The following PPM1H variants were observed in gnomAD, a reference collection of about 807,000 sequenced individuals.
PPM1H encodes the protein protein phosphatase 1H.
A neutral mutation model predicts 54.9 loss-of-function variants in PPM1H; 27 were observed. That is an observed-to-expected ratio of 0.49 (90% CI 0.36 to 0.68). PPM1H has a LOEUF of 0.68. Ranked by LOEUF, PPM1H falls within the 30% of genes least tolerant of loss-of-function variation. The pLI is 0.00. For missense variants in PPM1H, 596 were observed against 667.8 expected (o/e 0.89, Z 1.19); for synonymous variants, 305 against 270.8 (o/e 1.13, Z -1.24).
chr12:62,902,756 A>C (rs1038802413), intron 1 of PPM1H, among the ~76,000 whole-genome samples: 5 of 152,216 alleles, frequency 3.3e-5, no homozygotes, highest in African/African-American at 1.2e-4. Flanking sequence ...GCATATACTG[A>C]AGGACTCAAT....
chr12:62,838,722 C>T (rs2120881119), intron 1 of PPM1H, among the ~76,000 whole-genome samples: 1 of 104,172 alleles, frequency 9.6e-6, no homozygotes, highest in South Asian at 2.9e-4. Context: ...GAGATCGAGA[C>T]CATCCTGGCT....
chr12:62,666,989 G>T (rs539579488), intron 9 of PPM1H, among the ~76,000 whole-genome samples, 189 bp downstream of exon 9: 14 of 152,338 alleles, frequency 9.2e-5, no homozygotes, highest in African/African-American at 3.4e-4. Context: ...TGGGATTATA[G>T]GCATGAGACG....
intron 6 of PPM1H, among the ~76,000 whole-genome samples, chr12:62,716,393 C>G (rs533381348): frequency 6.6e-6 from 1 of 152,306 alleles, no homozygotes; most frequent in African/African-American, 2.4e-5. Context: ...AGGTAAAGCT[C>G]TCATCATAGT....
intron 6 of PPM1H, among the ~76,000 whole-genome samples, chr12:62,712,586 G>T (rs2076213517): frequency 6.6e-6 from 1 of 152,206 alleles, no homozygotes; most frequent in Non-Finnish European, 1.5e-5. Flanking sequence ...AATTTCCGAA[G>T]ATTGGGTTAA....
intron 9 of PPM1H, among the ~76,000 whole-genome samples, chr12:62,651,857 T>G (rs1403831030): frequency 6.6e-6 from 1 of 152,228 alleles, no homozygotes; most frequent in Non-Finnish European, 1.5e-5. Flanking sequence ...GCACAAATAC[T>G]GCTGATTATT....
chr12:62,820,040 T>A (rs986580377), intron 2 of PPM1H, among the ~76,000 whole-genome samples: 1 of 152,194 alleles, frequency 6.6e-6, no homozygotes. Flanking sequence ...CCATGGCAGA[T>A]TGTACCTGGA....
At chr12:62,667,381 TC>T in intron 8 of PPM1H, 52 bp from the exon 9 acceptor site, 1 of 1,424,752 alleles carries the variant, frequency 7.0e-7, no homozygotes, top group Non-Finnish European at 9.4e-7. Context: ...CATATTATTC[TC>T]CCTAACAAAC....
chr12:62,817,416 A>C (rs932036196), intron 2 of PPM1H, among the ~76,000 whole-genome samples: 3 of 151,672 alleles, frequency 2.0e-5, no homozygotes, highest in Admixed American at 2.0e-4. Flanking sequence ...GAGCCAAGAT[A>C]GCGCCACTGC....
intron 2 of PPM1H, among the ~76,000 whole-genome samples, chr12:62,829,894 G>A (rs1868331628): frequency 6.6e-6 from 1 of 152,234 alleles, no homozygotes; most frequent in African/African-American, 2.4e-5. Context: ...CCCAGGGGCA[G>A]GGGGAAAATA....
intron 1 of PPM1H, among the ~76,000 whole-genome samples, chr12:62,862,872 A>G (rs1163078751): frequency 6.6e-6 from 1 of 152,244 alleles, no homozygotes; most frequent in Non-Finnish European, 1.5e-5. Flanking sequence ...CAATCTTTTA[A>G]AAATGCTTTA....
At chr12:62,702,147 C>T (rs146712263) in intron 6 of PPM1H, among the ~76,000 whole-genome samples, 186 of 152,250 alleles carry the variant, frequency 1.2e-3, no homozygotes, top group East Asian at 2.9e-3. Flanking sequence ...TTGGTGATAC[C>T]TCTGACATAT....
At chr12:62,717,321 C>T (rs971670784) in intron 6 of PPM1H, among the ~76,000 whole-genome samples, 1 of 152,206 alleles carries the variant, frequency 6.6e-6, no homozygotes, top group Non-Finnish European at 1.5e-5. Context: ...GAAAACAAAT[C>T]AGCAAATCAC....
chr12:62,659,092 A>G, intron 9 of PPM1H: 1 of 730,032 alleles, frequency 1.4e-6, no homozygotes, highest in South Asian at 1.3e-5. Context: ...CTGCCATGCA[A>G]CAAATCTTAC....
In PPM1H at chr12:62,913,769, C is replaced by T. The variant is rs189971921; in HGVS notation, c.245+20723G>A. 3.3e-5 allele frequency among the ~76,000 whole-genome samples: 5 copies of T among 152,214 alleles called. No homozygotes were observed. In the East Asian group the frequency reaches 9.7e-4, roughly 29 times the overall value. On this transcript the variant is annotated intron_variant, in intron 1 of 9. Coordinates refer to ENST00000228705, the MANE Select transcript of PPM1H (RefSeq NM_020700.2). The stretch of plus-strand genomic sequence containing the variant: ...AGGCTGGCGTGCAGTGGTTTAATCT[C>T]GGCTCACTGCAACCTCCGCCTCCCG...
At position 62,796,410 on chromosome 12, in the gene PPM1H, C is replaced by A. The variant is rs1423838177; in HGVS notation, c.756+5406G>T. Among the ~76,000 whole-genome samples, 5 of 152,040 alleles carry A rather than the reference C, an allele frequency of 3.3e-5. No individual in the cohort carries two copies. The East Asian group carries it at 7.7e-4, about 24-fold the overall frequency. ...TTTACCTGTGCTTCTGACTGACCAG[C>A]TATAAATCTGGGTTCCCAAGACCCC... On this transcript the variant is annotated intron_variant, in intron 3 of 9. Coordinates refer to ENST00000228705, the MANE Select transcript of PPM1H (RefSeq NM_020700.2).
intron 9 of PPM1H, among the ~76,000 whole-genome samples, chr12:62,661,754 G>A (rs2075885014): frequency 6.6e-6 from 1 of 152,026 alleles, no homozygotes; most frequent in Admixed American, 6.6e-5. Flanking sequence ...AAGTCTTGCT[G>A]TGTTGTCCAG....
chr12:62,846,637 T>C (rs1868981966), intron 1 of PPM1H, among the ~76,000 whole-genome samples: 1 of 152,146 alleles, frequency 6.6e-6, no homozygotes, highest in African/African-American at 2.4e-5. Context: ...ATAAACAGTT[T>C]GTGGTTTACA....
intron 8 of PPM1H, among the ~76,000 whole-genome samples, chr12:62,689,238 G>A (rs1272088175): frequency 6.6e-6 from 1 of 152,170 alleles, no homozygotes; most frequent in Non-Finnish European, 1.5e-5. Context: ...AGCAAATATG[G>A]GAAACCTAAG....
chr12:62,908,402 C>A (rs1871361929), intron 1 of PPM1H, among the ~76,000 whole-genome samples: 2 of 58,598 alleles, frequency 3.4e-5, no homozygotes, highest in Non-Finnish European at 9.7e-5. Flanking sequence ...AGCGAGACTC[C>A]GTCTCAAAAA....
Sources: gnomAD v4.1 joint callset for allele counts (sites outside exome capture counted in the v4.1 genomes callset) on GRCh38, gnomAD v4.1.1 for gene constraint, MANE v1.5 for transcripts, NCBI Gene and HGNC (gene_info 2026-07-23, HGNC 2026-07-21) for gene names.